AGK: variants seen among roughly 807,000 people sequenced by gnomAD.
AGK encodes acylglycerol kinase.
Under a neutral mutation model 66.4 loss-of-function variants are expected in AGK, and 52 were observed. The observed-to-expected ratio is 0.78, with a 90% CI of 0.63 to 0.99. The LOEUF is 0.99. Among genes scored for constraint, AGK ranks in the 50% least tolerant of loss-of-function variants. AGK has a pLI of 0.00. For synonymous variants in AGK, 182 were observed against 181.1 expected (o/e 1.00, Z -0.04); for missense variants, 451 against 506.6 (o/e 0.89, Z 1.05).
intron 13 of AGK, among the ~76,000 whole-genome samples, chr7:141,647,623 C>T (rs1474269117): frequency 6.6e-6 from 1 of 152,140 alleles, no homozygotes; most frequent in Non-Finnish European, 1.5e-5. Context: ...ATCTACTGAA[C>T]CAGAAACTTG....
chr7:141,618,889 C>T (rs1329524886), intron 8 of AGK, among the ~76,000 whole-genome samples: 6 of 151,916 alleles, frequency 3.9e-5, no homozygotes, highest in Non-Finnish European at 7.4e-5. Context: ...TAATAATTAC[C>T]GTATTTATTT....
intron 10 of AGK, 143 bp downstream of exon 10, chr7:141,634,123 G>T: frequency 1.4e-6 from 1 of 710,764 alleles, no homozygotes; most frequent in East Asian, 2.7e-5. Flanking sequence ...AATGGAGGTA[G>T]GAACAATCAG....
At chr7:141,641,151 C>G in intron 11 of AGK, 97 bp from the exon 12 acceptor site, 1 of 1,102,054 alleles carries the variant, frequency 9.1e-7, no homozygotes. Flanking sequence ...CACTTTCTAG[C>G]AGGTATAGGT....
chr7:141,634,768 G>A (rs1210596981), intron 10 of AGK, among the ~76,000 whole-genome samples: 3 of 151,354 alleles, frequency 2.0e-5, no homozygotes, highest in Admixed American at 1.3e-4. Context: ...AATGAATTGT[G>A]GCTGATCTCA....
chr7:141,643,507 A>T (rs1229975849), intron 13 of AGK, among the ~76,000 whole-genome samples: 2 of 152,158 alleles, frequency 1.3e-5, no homozygotes, highest in East Asian at 3.9e-4. Context: ...CTTTTAAATG[A>T]CATATTGGGA....
chr7:141,601,632 A>C (rs998481477), intron 5 of AGK, among the ~76,000 whole-genome samples: 2 of 152,204 alleles, frequency 1.3e-5, no homozygotes, highest in Non-Finnish European at 2.9e-5. Context: ...GTAGTTCCAC[A>C]AACAGGTAAA....
At chr7:141,592,012 TA>T (rs1278603707) in intron 2 of AGK, among the ~76,000 whole-genome samples, 1 of 152,234 alleles carries the variant, frequency 6.6e-6, no homozygotes, top group Non-Finnish European at 1.5e-5. Context: ...GACAGTGATA[TA>T]AAAAACAAGT....
chr7:141,618,031 A>C (rs1587133730), intron 8 of AGK, among the ~76,000 whole-genome samples: 1 of 152,244 alleles, frequency 6.6e-6, no homozygotes, highest in East Asian at 1.9e-4. Flanking sequence ...ATGAGAAAGT[A>C]TAATAGTTTC....
At chr7:141,638,028 G>A (rs554690369) in intron 11 of AGK, among the ~76,000 whole-genome samples, 1 of 152,256 alleles carries the variant, frequency 6.6e-6, no homozygotes, top group South Asian at 2.1e-4. Context: ...AAGAAATAGA[G>A]TAGCTACATA....
chr7:141,584,601 T>C (rs1032858583), intron 2 of AGK, among the ~76,000 whole-genome samples: 15 of 152,202 alleles, frequency 9.9e-5, no homozygotes, highest in African/African-American at 3.6e-4. Flanking sequence ...ACTTTCTACA[T>C]TGAATGAGAC....
At chr7:141,617,358 A>C (rs1034476461) in intron 8 of AGK, among the ~76,000 whole-genome samples, 1 of 152,158 alleles carries the variant, frequency 6.6e-6, no homozygotes, top group Non-Finnish European at 1.5e-5. Flanking sequence ...TTAAACTACT[A>C]CTGTTGCTGC....
intron 8 of AGK, among the ~76,000 whole-genome samples, chr7:141,616,590 T>C (rs533280070): frequency 6.6e-6 from 1 of 152,226 alleles, no homozygotes; most frequent in South Asian, 2.1e-4. Context: ...TAGTCCAGTT[T>C]TCAAAACACT....
intron 13 of AGK, among the ~76,000 whole-genome samples, chr7:141,644,510 T>A (rs906538153): frequency 3.3e-5 from 5 of 152,216 alleles, no homozygotes; most frequent in Non-Finnish European, 5.9e-5. Flanking sequence ...ATTCAGTGTA[T>A]GAAAGAAGCT....
chr7:141,622,822 C>T (rs1796854292), intron 9 of AGK, among the ~76,000 whole-genome samples: 2 of 151,754 alleles, frequency 1.3e-5, no homozygotes, highest in Non-Finnish European at 2.9e-5. Context: ...TTGGGAGGTC[C>T]AGGCAGGTGG....
At chr7:141,636,622 C>G (rs563217995) in intron 10 of AGK, among the ~76,000 whole-genome samples, 1 of 152,232 alleles carries the variant, frequency 6.6e-6, no homozygotes, top group East Asian at 1.9e-4. Context: ...AGACTTTGGA[C>G]TGAGGGACAA....
intron 5 of AGK, among the ~76,000 whole-genome samples, chr7:141,603,777 C>G: frequency 6.6e-6 from 1 of 152,150 alleles, no homozygotes; most frequent in East Asian, 1.9e-4. Flanking sequence ...GCTGGCTGTC[C>G]CCTGGCTCAT....
chr7:141,559,437 T>G (rs1409674113), intron 2 of AGK, among the ~76,000 whole-genome samples: 1 of 152,182 alleles, frequency 6.6e-6, no homozygotes, highest in Non-Finnish European at 1.5e-5. Flanking sequence ...AGATGAGGAT[T>G]TATTTCTGGG....
At chr7:141,584,402 CA>C (rs1396653616) in intron 2 of AGK, among the ~76,000 whole-genome samples, 1 of 152,184 alleles carries the variant, frequency 6.6e-6, no homozygotes, top group Non-Finnish European at 1.5e-5. Context: ...ATGCAGGTCA[CA>C]GGGGATACGA....
chr7:141,651,308 A>G (rs1473909540), intron 14 of AGK, among the ~76,000 whole-genome samples: 3 of 152,236 alleles, frequency 2.0e-5, no homozygotes, highest in Non-Finnish European at 2.9e-5. Context: ...AGAGAAAGTC[A>G]TAACTTCATG....
Sources: allele counts gnomAD v4.1 joint callset (sites outside exome capture counted in the v4.1 genomes callset), GRCh38; gene constraint gnomAD v4.1.1; transcripts MANE v1.5; gene names NCBI Gene and HGNC (gene_info 2026-07-23, HGNC 2026-07-21).